ELFN1: variants seen among roughly 807,000 people sequenced by gnomAD.
The protein encoded by ELFN1 is extracellular leucine rich repeat and fibronectin type III domain containing 1.
ELFN1 carries 6 observed loss-of-function variants against 7.6 expected under a neutral mutation model. The ratio of observed to expected loss-of-function variants is 0.79; its 90% CI spans 0.43 to 1.56. ELFN1 has a LOEUF of 1.56. Ranked by LOEUF, ELFN1 falls within the 40% of genes most tolerant of loss-of-function variation. ELFN1 has a pLI of 0.01. For synonymous variants in ELFN1, 657 were observed against 588.1 expected, an observed-to-expected ratio of 1.12 and a Z score of -1.70; for missense variants, 1,169 against 1,232.2, an observed-to-expected ratio of 0.95 and a Z score of 0.77.
chr7:1,708,972 T>A (rs1779594857), intron 2 of ELFN1, 119 bp from the exon 3 acceptor site: 1 of 152,226 alleles, frequency 6.6e-6, no homozygotes, highest in Admixed American at 6.5e-5. Context: ...GTACCTGCAG[T>A]CCGACACGTG....
intron 3 of ELFN1, among the ~76,000 whole-genome samples, chr7:1,727,308 G>A (rs1780224850): frequency 6.6e-6 from 1 of 152,172 alleles, no homozygotes; most frequent in African/African-American, 2.4e-5. Context: ...GATGAGACAA[G>A]GTCTTTTATT....
chr7:1,669,662 G>A (rs1477467150), upstream of ELFN1, among the ~76,000 whole-genome samples: 1 of 152,242 alleles, frequency 6.6e-6, no homozygotes, highest in Non-Finnish European at 1.5e-5. Context: ...AGTCCTCACA[G>A]AGGTTGGGGT....
rs752527358 is a variant in ELFN1, at chr7:1,746,255, C to T, written c.1659C>T (p.Ala553=). The T allele has an allele frequency of 1.9e-5, 31 of 1,591,330 alleles. No homozygotes were observed. Among genetic ancestry groups the T allele is most frequent in the Admixed American group, 3.5e-5 (2 of 57,040 alleles). Residue 553 remains alanine, a synonymous_variant, in exon 4 of 4, where the codon GCC becomes GCT. Coordinates refer to ENST00000424383, the MANE Select transcript of ELFN1 (RefSeq NM_001128636.4). ...RPGPDSQSSV[A]EISTIAKEVD... ...GCCCCGACAGCCAGAGTTCGGTGGCCGAGATCTCCACCATCGCCAAGGAGG... is the reference window on the plus strand; with the variant it reads ...GCCCCGACAGCCAGAGTTCGGTGGCTGAGATCTCCACCATCGCCAAGGAGG...
chr7:1,683,934 T>G (rs1253542438), intron 1 of ELFN1, among the ~76,000 whole-genome samples: 1 of 152,112 alleles, frequency 6.6e-6, no homozygotes, highest in Non-Finnish European at 1.5e-5. Flanking sequence ...GGATTGCTTG[T>G]GCCCAGGAGT....
In ELFN1 at chr7:1,745,221, A is replaced by G. The variant is rs1780741020; in HGVS notation, c.625A>G (p.Thr209Ala). ...CTTCCTGCGCTGGCTGGCCGCCTTC[A>G]CCAACGCCACACAGACGTACGACCG... ...LGFLRWLAAFTNATQTYDRMQ... is the reference protein window; with the variant it reads ...LGFLRWLAAFANATQTYDRMQ... The change falls in exon 4 of 4, where the codon ACC becomes GCC. Residue 209 changes from threonine (T) to alanine (A), a missense_variant. By Grantham distance (58) the Thr-to-Ala change is moderately conservative. Transcript: ENST00000424383. 1.3e-6 allele frequency: 2 copies of G among 1,542,520 alleles called. No homozygotes were observed. Among genetic ancestry groups the G allele is most frequent in the East Asian group, 4.9e-5 (2 of 40,914 alleles).
chr7:1,667,548 C>T (rs1394166285), upstream of ELFN1, among the ~76,000 whole-genome samples: 3 of 152,182 alleles, frequency 2.0e-5, no homozygotes, highest in East Asian at 5.8e-4. This position sits in a 1 kb window ranked among gnomAD's most constrained non-coding sequence, Gnocchi z 8.2. Flanking sequence ...GTCTCCCCCA[C>T]CCCACCTGGA....
In ELFN1 at chr7:1,673,429, G is replaced by A. The variant is rs1015042360; in HGVS notation, c.-549+3075G>A. The stretch of plus-strand genomic sequence containing the variant: ...GCACCCTGAGCCAGTCAGTGGCACC[G>A]ACAGTAAACAGGAAGCAGGGTGGCA... On this transcript the variant is annotated intron_variant, in intron 1 of 3. Transcript: ENST00000424383. The surrounding 1 kb of genome is among the most constrained non-coding windows in gnomAD (Gnocchi z 4.7). Among the ~76,000 whole-genome samples the A allele has an allele frequency of 1.3e-5, 2 of 152,164 alleles. No homozygotes were observed. Among genetic ancestry groups the A allele is most frequent in the Admixed American group, 1.3e-4 (2 of 15,282 alleles).
intron 2 of ELFN1, among the ~76,000 whole-genome samples, chr7:1,699,317 G>A (rs1467401613): frequency 1.3e-5 from 2 of 152,148 alleles, no homozygotes; most frequent in Admixed American, 6.5e-5. Flanking sequence ...GACTTGTTGA[G>A]TCTGATCATT....
At chr7:1,691,378 C>T (rs1022412682) in intron 2 of ELFN1, among the ~76,000 whole-genome samples, 1 of 152,222 alleles carries the variant, frequency 6.6e-6, no homozygotes, top group Non-Finnish European at 1.5e-5. Flanking sequence ...TGGGTGCTTA[C>T]TCCTGGCAAC....
At chr7:1,723,175 CAA>C (rs1250593029) in intron 3 of ELFN1, among the ~76,000 whole-genome samples, 2 of 152,182 alleles carry the variant, frequency 1.3e-5, no homozygotes, top group African/African-American at 4.8e-5. Context: ...GCCTGGGTGA[CAA>C]GAGTGAAACT....
chr7:1,672,177 G>A (rs1778780537), intron 1 of ELFN1, among the ~76,000 whole-genome samples: 1 of 152,218 alleles, frequency 6.6e-6, no homozygotes, highest in Admixed American at 6.5e-5. Flanking sequence ...CACTCCTGAG[G>A]CCTGGTAAGT....
At chr7:1,737,166 G>A (rs1449953770) in intron 3 of ELFN1, among the ~76,000 whole-genome samples, 3 of 152,092 alleles carry the variant, frequency 2.0e-5, no homozygotes, top group African/African-American at 7.2e-5. Flanking sequence ...TTCTGCTGGG[G>A]CCCTTCGAGC....
In ELFN1 at chr7:1,670,929, C is replaced by T. The variant is rs570366809; in HGVS notation, c.-549+575C>T. ...CCCAGCCCCTGAGTCCAACCACTGGCGGGGGGGTGGGGTGGGGGGCTTCGC... is the reference window on the plus strand; with the variant it reads ...CCCAGCCCCTGAGTCCAACCACTGGTGGGGGGGTGGGGTGGGGGGCTTCGC... On this transcript the variant is annotated intron_variant, in intron 1 of 3. Transcript: ENST00000424383. This position sits in a 1 kb window ranked among gnomAD's most constrained non-coding sequence, Gnocchi z 6.4. Among the ~76,000 whole-genome samples the T allele has an allele frequency of 7.1e-6, 1 of 141,222 alleles. No individual in the cohort carries two copies. The highest frequency in any genetic ancestry group is 2.6e-4 in the South Asian group (1 of 3,852). The allele number at this position is 141,222 out of a possible 152,430, so 92.6% of individuals were successfully genotyped here. A position where few individuals can be genotyped will look rare whatever the true frequency, so the allele number is the denominator to read the frequency against.
At chr7:1,667,154 A>G (rs1416389432), upstream of ELFN1, among the ~76,000 whole-genome samples, 2 of 147,552 alleles carry the variant, frequency 1.4e-5, no homozygotes, top group East Asian at 4.1e-4. This position sits in a 1 kb window ranked among gnomAD's most constrained non-coding sequence, Gnocchi z 8.2. Context: ...TTCTCTTCCC[A>G]AACTGCACGG....
In ELFN1 at chr7:1,744,534, G is replaced by T. The variant is rs531305655; in HGVS notation, c.-63G>T. 7.0e-6 allele frequency: 10 copies of T among 1,427,286 alleles called. No individual in the cohort carries two copies. In the South Asian group the frequency reaches 1.4e-4, roughly 19 times the overall value. 88.4% of individuals were successfully genotyped at this position (1,427,286 alleles called of 1,614,324 possible). ...CCCCTCCATCCCTCTGGGGGCTGGCGCCTGGCCCCCCACCTGGTCCCCCTG... is the reference window on the plus strand; with the variant it reads ...CCCCTCCATCCCTCTGGGGGCTGGCTCCTGGCCCCCCACCTGGTCCCCCTG... On this transcript the variant is annotated 5_prime_UTR_variant, in exon 4 of 4. Coordinates refer to ENST00000424383, the MANE Select transcript of ELFN1 (RefSeq NM_001128636.4).
At position 1,746,254 on chromosome 7, in the gene ELFN1, C is replaced by T; in HGVS notation, c.1658C>T (p.Ala553Val). Reference protein sequence around the residue: ...RPGPDSQSSVAEISTIAKEVD... With the variant: ...RPGPDSQSSVVEISTIAKEVD... Reference sequence around the variant, plus strand: ...GGCCCCGACAGCCAGAGTTCGGTGGCCGAGATCTCCACCATCGCCAAGGAG... The same window carrying T: ...GGCCCCGACAGCCAGAGTTCGGTGGTCGAGATCTCCACCATCGCCAAGGAG... Residue 553 changes from alanine to valine, a missense_variant, in exon 4 of 4, where the codon GCC becomes GTC. Coordinates refer to ENST00000424383, the MANE Select transcript of ELFN1 (RefSeq NM_001128636.4). 1 of 1,589,812 alleles carries T rather than the reference C, an allele frequency of 6.3e-7. No homozygotes were observed. Among genetic ancestry groups the T allele is most frequent in the South Asian group, 1.1e-5 (1 of 87,306 alleles).
At chr7:1,706,284 A>G (rs1330355510) in intron 2 of ELFN1, among the ~76,000 whole-genome samples, 1 of 152,168 alleles carries the variant, frequency 6.6e-6, no homozygotes, top group East Asian at 1.9e-4. Context: ...TTAGCCAGGC[A>G]TGGTGGTGGG....
Position 1,693,997 on chromosome 7 carries a change from C to T in ELFN1, c.-456+5847C>T, listed in dbSNP as rs116564517. ...TTGGAGCAATACAGCCCTGTCTGGCCTGTCCGTGCACCGACGCTTAGAGCT... is the reference window on the plus strand; with the variant it reads ...TTGGAGCAATACAGCCCTGTCTGGCTTGTCCGTGCACCGACGCTTAGAGCT... On this transcript the variant is annotated intron_variant, in intron 2 of 3. Transcript: ENST00000424383. 5.4e-3 allele frequency: 2,002 copies of T among 369,314 alleles called. 33 individuals are homozygous for T. Among genetic ancestry groups the T allele is most frequent in the African/African-American group, 0.039 (1,824 of 46,904 alleles). The allele number at this position is 369,314 out of a possible 1,614,324, so 22.9% of individuals were successfully genotyped here. A position where few individuals can be genotyped will look rare whatever the true frequency, so the allele number is the denominator to read the frequency against.
At position 1,740,155 on chromosome 7, in the gene ELFN1, C is replaced by T. The variant is rs1046887274; in HGVS notation, c.-293-4149C>T. ...ACCTGAGGGGTGCCCATTCCAGAGG[C>T]GCCACGGCCTCTGTGTCTCCCTGAG... On this transcript the variant is annotated intron_variant, in intron 3 of 3. Transcript: ENST00000424383. The surrounding 1 kb of genome is among the most constrained non-coding windows in gnomAD (Gnocchi z 5.0). Among the ~76,000 whole-genome samples, 7 of 152,296 alleles carry T rather than the reference C, an allele frequency of 4.6e-5. No homozygotes were observed. Among genetic ancestry groups the T allele is most frequent in the South Asian group, 4.1e-4 (2 of 4,826 alleles).
Sources: gnomAD v4.1 joint callset for allele counts (sites outside exome capture counted in the v4.1 genomes callset) on GRCh38, gnomAD v4.1.1 for gene constraint, Gnocchi (gnomAD v3.1) non-coding constraint, MANE v1.5 for transcripts, NCBI Gene and HGNC (gene_info 2026-07-23, HGNC 2026-07-21) for gene names.